Variants in PCDH9 observed in about 807,000 individuals in gnomAD.
The protein encoded by PCDH9 is protocadherin-9.
In PCDH9, 24 loss-of-function variants were observed where a neutral mutation model predicts 70.6. That is an observed-to-expected ratio of 0.34 (90% CI 0.25 to 0.48). PCDH9 has a LOEUF of 0.48. Among genes scored for constraint, PCDH9 ranks in the 20% least tolerant of loss-of-function variants. The pLI is 0.99. For missense variants in PCDH9, 1,281 were observed against 1,503.6 expected (o/e 0.85, Z 2.45); for synonymous variants, 562 against 558.5 (o/e 1.01, Z -0.09).
intron 2 of PCDH9, among the ~76,000 whole-genome samples, chr13:66,999,607 A>T (rs2139816485): frequency 6.6e-6 from 1 of 151,934 alleles, no homozygotes; most frequent in African/African-American, 2.4e-5. Flanking sequence ...AATATCCAGA[A>T]TCTACAATGA....
At chr13:67,097,973 A>G (rs1372572105) in intron 2 of PCDH9, among the ~76,000 whole-genome samples, 2 of 152,208 alleles carry the variant, frequency 1.3e-5, no homozygotes, top group Non-Finnish European at 2.9e-5. Flanking sequence ...TTGCAGAACT[A>G]AAGCAGTTCT....
intron 2 of PCDH9, among the ~76,000 whole-genome samples, chr13:67,003,599 A>G (rs1057293286): frequency 6.6e-6 from 1 of 152,144 alleles, no homozygotes; most frequent in African/African-American, 2.4e-5. Flanking sequence ...GGGACTTTGA[A>G]TGTACCTGGA....
At chr13:66,850,738 G>C (rs1203661825) in intron 3 of PCDH9, among the ~76,000 whole-genome samples, 1 of 152,090 alleles carries the variant, frequency 6.6e-6, no homozygotes, top group Non-Finnish European at 1.5e-5. Context: ...CATTTGCAAT[G>C]ACTGCAAATT....
chr13:66,697,410 T>C (rs2078578712), intron 3 of PCDH9, among the ~76,000 whole-genome samples: 2 of 152,278 alleles, frequency 1.3e-5, no homozygotes, highest in African/African-American at 4.8e-5. Flanking sequence ...AATTGTACCA[T>C]ACAATGTCTA....
intron 3 of PCDH9, among the ~76,000 whole-genome samples, chr13:66,638,290 C>A (rs2324958): frequency 0.95 from 144,030 of 152,232 alleles, 68,686 homozygotes; most frequent in East Asian, 1. Flanking sequence ...TCATTCTCTT[C>A]TAATTCTTGC....
At chr13:66,307,490 G>C (rs907491909) in intron 4 of PCDH9, among the ~76,000 whole-genome samples, 8 of 152,048 alleles carry the variant, frequency 5.3e-5, no homozygotes, top group African/African-American at 1.7e-4. Flanking sequence ...GCAATACTTT[G>C]TGACAGCTTA....
chr13:67,027,437 G>C (rs561551715), intron 2 of PCDH9, among the ~76,000 whole-genome samples: 1 of 152,118 alleles, frequency 6.6e-6, no homozygotes, highest in Non-Finnish European at 1.5e-5. Context: ...TTAAAGACTT[G>C]AACGTTAGAC....
intron 2 of PCDH9, among the ~76,000 whole-genome samples, chr13:66,976,414 A>AAG (rs2083621534): frequency 6.6e-6 from 1 of 152,136 alleles, no homozygotes; most frequent in Non-Finnish European, 1.5e-5. Context: ...TTTGAGGATT[A>AAG]TCTGAGCCCT....
At chr13:66,373,727 T>C (rs1956700582) in intron 4 of PCDH9, among the ~76,000 whole-genome samples, 1 of 152,166 alleles carries the variant, frequency 6.6e-6, no homozygotes, top group African/African-American at 2.4e-5. Context: ...GAGTAGGTAG[T>C]AATATTTTAA....
chr13:66,791,666 T>G (rs914073456), intron 3 of PCDH9, among the ~76,000 whole-genome samples: 1 of 152,178 alleles, frequency 6.6e-6, no homozygotes, highest in Admixed American at 6.5e-5. Flanking sequence ...TTGTACATGC[T>G]TATGTATGTA....
At chr13:66,483,196 G>A (rs1001989771) in intron 4 of PCDH9, among the ~76,000 whole-genome samples, 7 of 152,218 alleles carry the variant, frequency 4.6e-5, no homozygotes, top group African/African-American at 1.7e-4. Flanking sequence ...GGCCTTGAAA[G>A]TGTTTATTAG....
intron 4 of PCDH9, among the ~76,000 whole-genome samples, chr13:66,321,278 G>T (rs959287464): frequency 6.6e-6 from 1 of 152,008 alleles, no homozygotes; most frequent in African/African-American, 2.4e-5. Context: ...ATAAAATAAC[G>T]ATGTAATGAT....
Position 67,228,522 on chromosome 13 carries a change from G to A in PCDH9, c.-82C>T. ...AATGATGCACAAATTGCAAGAGGAA[G>A]CGTGCATGGACTGGAGGATGCATTA... On this transcript the variant is annotated 5_prime_UTR_variant, in exon 2 of 5. Coordinates refer to ENST00000377865, the MANE Select transcript of PCDH9 (RefSeq NM_203487.3). 1 of 1,182,528 alleles carries A rather than the reference G, an allele frequency of 8.5e-7. No individual in the cohort carries two copies. The highest frequency in any genetic ancestry group is 1.2e-6 in the Non-Finnish European group (1 of 844,558). 73.3% of individuals were successfully genotyped at this position (1,182,528 alleles called of 1,614,324 possible). A position where few individuals can be genotyped will look rare whatever the true frequency, so the allele number is the denominator to read the frequency against.
intron 3 of PCDH9, among the ~76,000 whole-genome samples, chr13:66,784,778 T>C (rs2080053498): frequency 6.6e-6 from 1 of 152,130 alleles, no homozygotes; most frequent in Non-Finnish European, 1.5e-5. Context: ...ACAATTTAGG[T>C]TGCAAATATT....
At chr13:66,775,099 G>T (rs2079869349) in intron 3 of PCDH9, among the ~76,000 whole-genome samples, 1 of 152,130 alleles carries the variant, frequency 6.6e-6, no homozygotes, top group Non-Finnish European at 1.5e-5. Flanking sequence ...TTGATTTAAG[G>T]ATTATGAGCT....
chr13:66,473,060 G>T (rs940146051), intron 4 of PCDH9, among the ~76,000 whole-genome samples: 2 of 151,758 alleles, frequency 1.3e-5, no homozygotes, highest in African/African-American at 4.8e-5. Flanking sequence ...AGGTATCCCA[G>T]GAATCACAAC....
chr13:66,856,775 T>C (rs1033572982), intron 3 of PCDH9, among the ~76,000 whole-genome samples: 5 of 152,206 alleles, frequency 3.3e-5, no homozygotes, highest in Admixed American at 1.3e-4. Context: ...TAATATCTTA[T>C]GCCAAACGTA....
intron 2 of PCDH9, among the ~76,000 whole-genome samples, chr13:66,994,763 G>T (rs1244610360): frequency 6.6e-6 from 1 of 152,112 alleles, no homozygotes; most frequent in Non-Finnish European, 1.5e-5. Flanking sequence ...CGGTGCTTCA[G>T]TGACATTCTC....
intron 3 of PCDH9, among the ~76,000 whole-genome samples, chr13:66,718,773 A>G (rs898717524): frequency 1.3e-5 from 2 of 152,240 alleles, no homozygotes; most frequent in East Asian, 1.9e-4. Context: ...AACACTTCCT[A>G]TGGTGATGGA....
Sources: allele counts gnomAD v4.1 joint callset (sites outside exome capture counted in the v4.1 genomes callset), GRCh38; gene constraint gnomAD v4.1.1; transcripts MANE v1.5; gene names NCBI Gene and HGNC (gene_info 2026-07-23, HGNC 2026-07-21).